SIM2: variants seen among roughly 807,000 people sequenced by gnomAD.
The protein encoded by SIM2 is SIM bHLH transcription factor 2, also known as single-minded homolog 2.
A neutral mutation model predicts 64.8 loss-of-function variants in SIM2; 28 were observed. The ratio of observed to expected loss-of-function variants is 0.43; its 90% CI spans 0.32 to 0.59. The LOEUF is 0.59. SIM2 is among the 20% of genes least tolerant of loss of function. SIM2 has a pLI of 0.07. For synonymous variants in SIM2, 408 were observed against 391.1 expected (o/e 1.04, Z -0.51); for missense variants, 847 against 871.4 (o/e 0.97, Z 0.35).
At position 36,699,850 on chromosome 21, in the gene SIM2, C is replaced by A; in HGVS notation, c.104C>A (p.Ser35Ter). ...KLLPLPSAIT[S>*]QLDKASIIRL... The stretch of plus-strand genomic sequence containing the variant: ...CTCCCGCTGCCGTCGGCCATCACTT[C>A]GCAGCTGGACAAAGCGTCCATCATC... Residue 35 changes from serine (S) to a stop codon, truncating the protein, a stop_gained, in exon 1 of 11, where the codon TCG (serine) becomes TAG (stop). Transcript: ENST00000290399. LOFTEE classifies it high-confidence loss of function. This position sits in a 1 kb window ranked among gnomAD's most constrained non-coding sequence, Gnocchi z 5.6. The A allele has an allele frequency of 6.2e-7, 1 of 1,610,340 alleles. No homozygotes were observed. Among genetic ancestry groups the A allele is most frequent in the Non-Finnish European group, 8.5e-7 (1 of 1,178,472 alleles).
intron 1 of SIM2, among the ~76,000 whole-genome samples, chr21:36,705,424 T>TC (rs1017675496): frequency 5.3e-5 from 8 of 151,610 alleles, no homozygotes; most frequent in Admixed American, 3.3e-4. Context: ...CTACCCCAGC[T>TC]CCCCCTGGGG....
In SIM2 at chr21:36,699,127, G is replaced by A. The variant is rs1043590423; in HGVS notation, c.-620G>A. ...AGGCGGGTCTGCCATAAACAAACGC[G>A]GCTCGGCCGCACGTGGACAGCGGAG... On this transcript the variant is annotated 5_prime_UTR_variant, in exon 1 of 11. Coordinates refer to ENST00000290399, the MANE Select transcript of SIM2 (RefSeq NM_005069.6). This position sits in a 1 kb window ranked among gnomAD's most constrained non-coding sequence, Gnocchi z 5.6. 6.7e-6 allele frequency: 1 copy of A among 148,572 alleles called. No individual in the cohort carries two copies. The highest frequency in any genetic ancestry group is 1.5e-5 in the Non-Finnish European group (1 of 66,958). 9.2% of individuals were successfully genotyped at this position (148,572 alleles called of 1,614,324 possible). A position where few individuals can be genotyped will look rare whatever the true frequency, so the allele number is the denominator to read the frequency against.
intron 1 of SIM2, among the ~76,000 whole-genome samples, chr21:36,701,956 A>G (rs2088505516): frequency 6.6e-6 from 1 of 152,208 alleles, no homozygotes; most frequent in Admixed American, 6.5e-5. Flanking sequence ...CAAAGATCAA[A>G]TGATTTGCGG....
chr21:36,744,296 G>A (rs2089199525), intron 9 of SIM2, among the ~76,000 whole-genome samples: 2 of 115,314 alleles, frequency 1.7e-5, no homozygotes, highest in African/African-American at 7.3e-5. Context: ...GAACGTCACG[G>A]CCTCCACATT....
At chr21:36,711,001 A>G (rs1369972301) in intron 2 of SIM2, among the ~76,000 whole-genome samples, 1 of 152,208 alleles carries the variant, frequency 6.6e-6, no homozygotes, top group African/African-American at 2.4e-5. Flanking sequence ...ACACCCCCAG[A>G]CTTCTCTGTG....
In SIM2 at chr21:36,714,777, AT is replaced by A. The variant is rs558391174; in HGVS notation, c.348+2157del. ...TTTCTCTTTTTATGTGGAAAATAGA[AT>A]TGATTGATTATAAACACAATAATTA... On this transcript the variant is annotated intron_variant, in intron 3 of 10. Coordinates refer to ENST00000290399, the MANE Select transcript of SIM2 (RefSeq NM_005069.6). Among the ~76,000 whole-genome samples the A allele has an allele frequency of 2.5e-4, 38 of 152,340 alleles. 1 individual carries two copies. The East Asian group carries it at 6.9e-3, about 28-fold the overall frequency.
At chr21:36,707,840 T>A (rs1289055935) in intron 1 of SIM2, among the ~76,000 whole-genome samples, 1 of 152,100 alleles carries the variant, frequency 6.6e-6, no homozygotes, top group East Asian at 1.9e-4. Context: ...CTCCAGGATC[T>A]CCACGGCTGG....
At chr21:36,744,116 C>T (rs1374607967) in intron 9 of SIM2, among the ~76,000 whole-genome samples, 1 of 152,008 alleles carries the variant, frequency 6.6e-6, no homozygotes, top group Non-Finnish European at 1.5e-5. Flanking sequence ...CCTGTAGTCC[C>T]AGCTACTCAG....
chr21:36,714,452 C>T (rs761310259), intron 3 of SIM2, among the ~76,000 whole-genome samples: 94 of 152,330 alleles, frequency 6.2e-4, no homozygotes, highest in Admixed American at 3.4e-3. Flanking sequence ...CTTTAACCTA[C>T]TTGAACCATG....
intron 7 of SIM2, among the ~76,000 whole-genome samples, chr21:36,741,083 A>G (rs1277985963): frequency 1.3e-5 from 2 of 152,180 alleles, no homozygotes; most frequent in Non-Finnish European, 2.9e-5. Flanking sequence ...CCAAGCATAG[A>G]AGACAGGCCC....
At chr21:36,733,565 T>C (rs995370797) in intron 7 of SIM2, among the ~76,000 whole-genome samples, 2 of 150,586 alleles carry the variant, frequency 1.3e-5, no homozygotes, top group Non-Finnish European at 3.0e-5. Flanking sequence ...CAGGGATTTT[T>C]TTTTTTTTTT....
intron 7 of SIM2, among the ~76,000 whole-genome samples, chr21:36,737,973 A>AAAAAAAAAAAAAAAAAAGC (rs1555877008): frequency 1.2e-4 from 14 of 120,234 alleles, no homozygotes; most frequent in Non-Finnish European, 1.8e-4. Flanking sequence ...AAAAAAAAAA[A>AAAAAAAAAAAAAAAAAAGC]AAAAAAAAAG....
At chr21:36,718,551 A>G (rs2088776319) in intron 3 of SIM2, among the ~76,000 whole-genome samples, 1 of 152,184 alleles carries the variant, frequency 6.6e-6, no homozygotes, top group Non-Finnish European at 1.5e-5. Flanking sequence ...GGCAGGGTCA[A>G]GAAGGAATTC....
Position 36,712,516 on chromosome 21 carries a change from C to T in SIM2, c.259-17C>T. ...GTAGAATGATCATCTCTTATTCTGA[C>T]ACTTTATCTTTTACAGACTTTGGAT... On this transcript the variant is annotated splice_polypyrimidine_tract_variant and intron_variant, in intron 2 of 10. Coordinates refer to ENST00000290399, the MANE Select transcript of SIM2 (RefSeq NM_005069.6). 6.5e-7 allele frequency: 1 copy of T among 1,544,092 alleles called. No individual in the cohort carries two copies.
intron 7 of SIM2, among the ~76,000 whole-genome samples, chr21:36,735,653 G>A (rs1037449587): frequency 1.3e-5 from 2 of 152,322 alleles, no homozygotes; most frequent in Admixed American, 6.5e-5. Flanking sequence ...TCTGGACGAT[G>A]CTTTTGTCTT....
intron 3 of SIM2, among the ~76,000 whole-genome samples, chr21:36,718,194 G>A (rs565582794): frequency 1.3e-5 from 2 of 152,142 alleles, no homozygotes; most frequent in Admixed American, 6.5e-5. Context: ...AAAGCAACTC[G>A]CTCTTCTTAA....
Position 36,748,095 on chromosome 21 carries a change from C to T in SIM2, c.*3C>T, listed in dbSNP as rs1013568714. 10 of 1,200,828 alleles carry T rather than the reference C, an allele frequency of 8.3e-6. No homozygotes were observed. The highest frequency in any genetic ancestry group is 1.0e-5 in the Non-Finnish European group (10 of 967,924). The allele number at this position is 1,200,828 out of a possible 1,614,324, so 74.4% of individuals were successfully genotyped here. On this transcript the variant is annotated 3_prime_UTR_variant, in exon 11 of 11. Transcript: ENST00000290399. Reference sequence around the variant, plus strand: ...TCATCATCACCAACGGGAGGTGACCCGCTGGCCGCCCGCGCCAGGAGCCTG... The same window carrying T: ...TCATCATCACCAACGGGAGGTGACCTGCTGGCCGCCCGCGCCAGGAGCCTG...
chr21:36,699,906 G>A lies in SIM2; in HGVS notation c.160G>A (p.Ala54Thr), dbSNP rs750361630. 2 of 1,603,024 alleles carry A rather than the reference G, an allele frequency of 1.2e-6. No individual in the cohort carries two copies. Among genetic ancestry groups the A allele is most frequent in the African/African-American group, 1.3e-5 (1 of 74,532 alleles). The change falls in exon 1 of 11, where the codon GCC becomes ACC. Residue 54 changes from alanine to threonine, a missense_variant. Transcript: ENST00000290399. The surrounding 1 kb of genome is among the most constrained non-coding windows in gnomAD (Gnocchi z 5.6). ...RLTTSYLKMR[A>T]VFPEGLGDAW... ...CACCACGAGCTACCTGAAGATGCGCGCCGTCTTCCCCGAAGGTGAGGCCTC... is the reference window on the plus strand; with the variant it reads ...CACCACGAGCTACCTGAAGATGCGCACCGTCTTCCCCGAAGGTGAGGCCTC...
chr21:36,728,157 C>T (rs1467168349), intron 6 of SIM2, among the ~76,000 whole-genome samples: 1 of 152,236 alleles, frequency 6.6e-6, no homozygotes, highest in Non-Finnish European at 1.5e-5. Context: ...TCTTTTCTGA[C>T]TTGGGAGCCA....
Sources: allele counts gnomAD v4.1 joint callset (sites outside exome capture counted in the v4.1 genomes callset), GRCh38; gene constraint gnomAD v4.1.1; non-coding constraint Gnocchi (gnomAD v3.1); transcripts MANE v1.5; gene names NCBI Gene and HGNC (gene_info 2026-07-23, HGNC 2026-07-21).